The following CNBD1 variants were observed in gnomAD, a reference collection of about 807,000 sequenced individuals.
CNBD1 encodes cyclic nucleotide binding domain containing 1.
A neutral mutation model predicts 54.4 loss-of-function variants in CNBD1; 71 were observed. That is an observed-to-expected ratio of 1.30 (90% CI 1.08 to 1.59). The LOEUF (loss-of-function observed/expected upper bound fraction) is 1.59, where lower values mean the gene tolerates loss of function less well. Ranked by LOEUF, CNBD1 falls within the 40% of genes most tolerant of loss-of-function variation. The pLI is 0.00. For missense variants in CNBD1, 659 were observed against 518.0 expected (o/e 1.27, Z -2.64); for synonymous variants, 182 against 170.7 (o/e 1.07, Z -0.51).
chr8:87,119,669 G>A (rs989840962), intron 4 of CNBD1, among the ~76,000 whole-genome samples: 1 of 151,958 alleles, frequency 6.6e-6, no homozygotes, highest in African/African-American at 2.4e-5. Context: ...AGTCCTTAGA[G>A]GAAATAATTT....
At chr8:86,975,377 C>T (rs560785286) in intron 4 of CNBD1, among the ~76,000 whole-genome samples, 12 of 152,106 alleles carry the variant, frequency 7.9e-5, no homozygotes, top group Non-Finnish European at 1.8e-4. Context: ...TTCCTGTCTA[C>T]CACTGTCCCC....
At chr8:87,098,948 A>G (rs141977496) in intron 4 of CNBD1, among the ~76,000 whole-genome samples, 2,316 of 149,522 alleles carry the variant, frequency 0.015, 57 homozygotes, top group African/African-American at 0.054. Context: ...AAGGCAGGAG[A>G]ATAGTTTGAA....
At chr8:86,903,862 AG>A (rs1808976057) in intron 2 of CNBD1, among the ~76,000 whole-genome samples, 1 of 31,058 alleles carries the variant, frequency 3.2e-5, no homozygotes, top group African/African-American at 2.0e-4. Context: ...AGTTACAAAC[AG>A]AATTTTTTTT....
chr8:86,979,633 T>A (rs114835138), intron 4 of CNBD1, among the ~76,000 whole-genome samples: 3,272 of 152,016 alleles, frequency 0.022, 119 homozygotes, highest in African/African-American at 0.068. Flanking sequence ...CCAAATGATT[T>A]CTCTCAAAGA....
chr8:87,008,327 A>T (rs1490534632), intron 4 of CNBD1, among the ~76,000 whole-genome samples: 1 of 152,176 alleles, frequency 6.6e-6, no homozygotes, highest in East Asian at 1.9e-4. Context: ...TCTTTGTTAC[A>T]TGCTTAATTT....
At chr8:87,299,657 A>G (rs1808946292) in intron 8 of CNBD1, among the ~76,000 whole-genome samples, 1 of 152,334 alleles carries the variant, frequency 6.6e-6, no homozygotes, top group South Asian at 2.1e-4. Flanking sequence ...ATGAGGGCTG[A>G]AAACTCAGTC....
chr8:87,256,002 TATATATATA>T (rs1269154011), intron 6 of CNBD1, among the ~76,000 whole-genome samples: 36 of 17,752 alleles, frequency 2.0e-3, no homozygotes, highest in African/African-American at 9.2e-3. Flanking sequence ...TATATATATA[TATATATATA>T]TATATTTTTT....
At chr8:87,009,312 T>A (rs1434209859) in intron 4 of CNBD1, among the ~76,000 whole-genome samples, 1 of 152,026 alleles carries the variant, frequency 6.6e-6, no homozygotes, top group African/African-American at 2.4e-5. Flanking sequence ...TTTATTTTTA[T>A]TTTTTTGAGA....
intron 4 of CNBD1, among the ~76,000 whole-genome samples, chr8:86,998,491 C>T (rs1808927436): frequency 1.3e-5 from 2 of 152,116 alleles, no homozygotes; most frequent in South Asian, 4.1e-4. Context: ...GAAGAAGGCA[C>T]AATGTTGTTT....
intron 4 of CNBD1, among the ~76,000 whole-genome samples, chr8:86,941,947 G>A (rs182390468): frequency 5.5e-4 from 84 of 152,212 alleles, no homozygotes; most frequent in East Asian, 7.7e-4. Context: ...TGTACTATAC[G>A]TCCCCCCTTT....
chr8:87,185,376 G>T (rs1299727298), intron 4 of CNBD1, among the ~76,000 whole-genome samples: 4 of 151,978 alleles, frequency 2.6e-5, no homozygotes, highest in Non-Finnish European at 5.9e-5. Context: ...TTTTTTATTG[G>T]GTGCCAGTTA....
At chr8:87,281,138 A>G (rs1202654385) in intron 6 of CNBD1, among the ~76,000 whole-genome samples, 1 of 151,720 alleles carries the variant, frequency 6.6e-6, no homozygotes, top group Non-Finnish European at 1.5e-5. Flanking sequence ...TCTGCTGTAT[A>G]TCATTTAGAT....
chr8:87,335,802 C>T (rs1809934193), intron 8 of CNBD1, among the ~76,000 whole-genome samples: 2 of 152,228 alleles, frequency 1.3e-5, no homozygotes, highest in Admixed American at 1.3e-4. Flanking sequence ...CATAGTGTCA[C>T]TGGTCTTTAT....
intron 8 of CNBD1, among the ~76,000 whole-genome samples, chr8:87,287,675 A>G (rs1363600152): frequency 6.6e-6 from 1 of 152,166 alleles, no homozygotes; most frequent in East Asian, 1.9e-4. Context: ...ACACTGTAAC[A>G]CAGGAAAACG....
chr8:87,207,021 A>C (rs569757824), intron 5 of CNBD1, among the ~76,000 whole-genome samples: 1 of 152,284 alleles, frequency 6.6e-6, no homozygotes, highest in South Asian at 2.1e-4. Context: ...CTATTGAAAA[A>C]ATTTACATAT....
At chr8:87,301,334 T>C (rs1483451427) in intron 8 of CNBD1, among the ~76,000 whole-genome samples, 1 of 152,060 alleles carries the variant, frequency 6.6e-6, no homozygotes, top group Admixed American at 6.6e-5. Flanking sequence ...GAACCCTCCT[T>C]AATTTATTTT....
At chr8:87,425,392 G>A (rs4427193) in intron 2 of CNBD1, among the ~76,000 whole-genome samples, 83,209 of 151,886 alleles carry the variant, frequency 0.55, 23,870 homozygotes, top group African/African-American at 0.71. Context: ...GAGGAGAGGC[G>A]CTCTGATTTT....
chr8:87,206,143 T>C lies in CNBD1; in HGVS notation c.577+5T>C, dbSNP rs1265835361. 6.4e-7 allele frequency: 1 copy of C among 1,561,056 alleles called. No homozygotes were observed. Among genetic ancestry groups the C allele is most frequent in the African/African-American group, 1.4e-5 (1 of 72,094 alleles). On this transcript the variant is annotated splice_donor_5th_base_variant and intron_variant, in intron 5 of 10. Coordinates refer to ENST00000518476, the MANE Select transcript of CNBD1 (RefSeq NM_173538.3). ...CCTGGTTGAAAGGCAGCACAGGTAATAGACTAATGTGGGATAAATTTGGCG... is the reference window on the plus strand; with the variant it reads ...CCTGGTTGAAAGGCAGCACAGGTAACAGACTAATGTGGGATAAATTTGGCG...
intron 4 of CNBD1, among the ~76,000 whole-genome samples, chr8:87,083,682 G>A (rs941266712): frequency 4.2e-4 from 63 of 148,448 alleles, no homozygotes; most frequent in African/African-American, 1.2e-3. Context: ...TCCGCCTCCC[G>A]GGTTCACTCC....
Sources: allele counts gnomAD v4.1 joint callset (sites outside exome capture counted in the v4.1 genomes callset), GRCh38; gene constraint gnomAD v4.1.1; transcripts MANE v1.5; gene names NCBI Gene and HGNC (gene_info 2026-07-23, HGNC 2026-07-21).